The following OR9Q2 variants were observed in gnomAD, a reference collection of about 807,000 sequenced individuals.
OR9Q2 encodes olfactory receptor 9Q2.
Under a neutral mutation model 2.3 loss-of-function variants are expected in OR9Q2, and 2 were observed. That is an observed-to-expected ratio of 0.85 (90% CI 0.35 to 2.68). The LOEUF is 2.68. Among genes scored for constraint, OR9Q2 ranks in the 30% most tolerant of loss-of-function variants. OR9Q2 has a pLI of 0.10. For missense variants in OR9Q2, 404 were observed against 395.7 expected (o/e 1.02, Z -0.18); for synonymous variants, 178 against 158.6 (o/e 1.12, Z -0.92).
In OR9Q2 at chr11:58,190,926, A is replaced by G. The variant is rs1442444525; in HGVS notation, c.436A>G (p.Thr146Ala). 1 of 1,614,122 alleles carries G rather than the reference A, an allele frequency of 6.2e-7. No homozygotes were observed. Among genetic ancestry groups the G allele is most frequent in the Admixed American group, 1.7e-5 (1 of 60,004 alleles). Reference protein sequence around the residue: ...ITEKARWGLVTGAYVAGFFSA... With the variant: ...ITEKARWGLVAGAYVAGFFSA... ...CGAGAAGGCCCGCTGGGGCCTAGTCACTGGGGCTTACGTTGCTGGTTTTTT... is the reference window on the plus strand; with the variant it reads ...CGAGAAGGCCCGCTGGGGCCTAGTCGCTGGGGCTTACGTTGCTGGTTTTTT... The change falls in exon 2 of 2, where the codon ACT (threonine) becomes GCT (alanine). Residue 146 changes from threonine to alanine, a missense_variant. Physicochemically the swap from Thr to Ala is moderately conservative, Grantham distance 58. Coordinates refer to ENST00000641291, the MANE Select transcript of OR9Q2 (RefSeq NM_001005283.3).
Position 58,192,116 on chromosome 11 carries a change from AAATAATAATAATAAT to A in OR9Q2, c.*698_*712del. 1 of 145,586 alleles carries A rather than the reference AAATAATAATAATAAT, an allele frequency of 6.9e-6. No individual in the cohort carries two copies. Among genetic ancestry groups the A allele is most frequent in the East Asian group, 2.0e-4 (1 of 5,010 alleles). The allele number at this position is 145,586 out of a possible 1,614,324, so 9.0% of individuals were successfully genotyped here. A position where few individuals can be genotyped will look rare whatever the true frequency, so the allele number is the denominator to read the frequency against. On this transcript the variant is annotated 3_prime_UTR_variant, in exon 2 of 2. Transcript: ENST00000641291. ...TGTGATTTTTGAATAACAATGAGGA[AAATAATAATAATAAT>A]AATAATAATAATAATAGCAAGTTAC...
chr11:58,191,253 C>T lies in OR9Q2; in HGVS notation c.763C>T (p.Leu255Phe), dbSNP rs747071155. The T allele has an allele frequency of 1.8e-5, 29 of 1,613,970 alleles. No individual in the cohort carries two copies. Among genetic ancestry groups the T allele is most frequent in the Non-Finnish European group, 2.5e-5 (29 of 1,180,032 alleles). Residue 255 changes from leucine to phenylalanine, a missense_variant, in exon 2 of 2, where the codon CTC (leucine) becomes TTC (phenylalanine). Physicochemically the swap from Leu to Phe is conservative, Grantham distance 22. Coordinates refer to ENST00000641291, the MANE Select transcript of OR9Q2 (RefSeq NM_001005283.3). ...LTAVALFFGTLIFMYLRDNTG... is the reference protein window; with the variant it reads ...LTAVALFFGTFIFMYLRDNTG... ...TGCCGTCGCTCTTTTCTTTGGCACC[C>T]TCATCTTCATGTACCTGCGAGACAA...
Position 58,192,992 on chromosome 11 carries a change from T to C in OR9Q2, c.*1557T>C, listed in dbSNP as rs1854778900. ...AGCAGTGTGGCTTCAGATTAATTAG[T>C]GCCTTTCAGCCTGCTTCTCCTCTGT... On this transcript the variant is annotated 3_prime_UTR_variant, in exon 2 of 2. Coordinates refer to ENST00000641291, the MANE Select transcript of OR9Q2 (RefSeq NM_001005283.3). 1 of 152,218 alleles carries C rather than the reference T, an allele frequency of 6.6e-6. No homozygotes were observed. The highest frequency in any genetic ancestry group is 2.4e-5 in the African/African-American group (1 of 41,464). 9.4% of individuals were successfully genotyped at this position (152,218 alleles called of 1,614,324 possible). A position where few individuals can be genotyped will look rare whatever the true frequency, so the allele number is the denominator to read the frequency against.
intron 1 of OR9Q2, 110 bp downstream of exon 1, chr11:58,189,218 T>A (rs975244401): frequency 5.9e-5 from 9 of 152,174 alleles, no homozygotes; most frequent in Non-Finnish European, 1.5e-5. Flanking sequence ...ACAGAAGTAT[T>A]GGAAGTGACC....
In OR9Q2 at chr11:58,191,285, C is replaced by G; in HGVS notation, c.795C>G (p.Gly265=). 6.2e-7 allele frequency: 1 copy of G among 1,614,122 alleles called. No individual in the cohort carries two copies. ...LIFMYLRDNT[G]QSSEGDRVVS... ...TCATGTACCTGCGAGACAACACAGG[C>G]CAGTCCTCCGAGGGAGACCGAGTGG... Residue 265 remains glycine (G), a synonymous_variant, in exon 2 of 2, where the codon GGC becomes GGG. Coordinates refer to ENST00000641291, the MANE Select transcript of OR9Q2 (RefSeq NM_001005283.3).
rs147413829 is a variant in OR9Q2 at position 58,191,026 on chromosome 11, G to A, written c.536G>A (p.Cys179Tyr). 8.9e-5 allele frequency: 144 copies of A among 1,614,160 alleles called. No individual in the cohort carries two copies. The highest frequency in any genetic ancestry group is 1.1e-5 in the Non-Finnish European group (13 of 1,180,022). Residue 179 changes from cysteine to tyrosine, a missense_variant, in exon 2 of 2, where the codon TGT becomes TAT. By Grantham distance (194) the Cys-to-Tyr change is radical. Transcript: ENST00000641291. The part of the protein sequence containing the change: ...CGNNEINFIF[C>Y]DLPPLLKLSC... ...AACAATGAGATCAACTTCATTTTCT[G>A]TGACCTCCCTCCTCTATTAAAACTC... is the stretch of plus-strand genomic sequence containing the variant.
In OR9Q2 at chr11:58,193,476, A is replaced by T. The variant is rs1399023978; in HGVS notation, c.*2041A>T. 1.3e-5 allele frequency: 2 copies of T among 152,224 alleles called. No individual in the cohort carries two copies. Among genetic ancestry groups the T allele is most frequent in the East Asian group, 3.8e-4 (2 of 5,200 alleles). 9.4% of individuals were successfully genotyped at this position (152,224 alleles called of 1,614,324 possible). ...TTATTGACCCCATTTAGCAAAACAA[A>T]AAAGAAAATCTAAGACTCAGAGATA... On this transcript the variant is annotated 3_prime_UTR_variant, in exon 2 of 2. Transcript: ENST00000641291.
chr11:58,191,025 T>C lies in OR9Q2; in HGVS notation c.535T>C (p.Cys179Arg), dbSNP rs34337292. 425,508 of 1,613,854 alleles carry C rather than the reference T, an allele frequency of 0.26. 58,472 individuals are homozygous for C. Among genetic ancestry groups the C allele is most frequent in the Admixed American group, 0.31 (18,361 of 59,998 alleles). The change falls in exon 2 of 2, where the codon TGT becomes CGT. Residue 179 changes from cysteine (C) to arginine (R), a missense_variant. By Grantham distance (180) the Cys-to-Arg change is radical. Transcript: ENST00000641291. ...AAACAATGAGATCAACTTCATTTTC[T>C]GTGACCTCCCTCCTCTATTAAAACT... ...CGNNEINFIF[C>R]DLPPLLKLSC...
chr11:58,190,416 A>T lies in OR9Q2; in HGVS notation c.-75A>T, dbSNP rs1854746720. The stretch of plus-strand genomic sequence containing the variant: ...TTCAATTTAAAGCTTTGTTACTTGA[A>T]ATCATTTGAACTCCTCTTGAGCTGT... On this transcript the variant is annotated 5_prime_UTR_variant, in exon 2 of 2. Coordinates refer to ENST00000641291, the MANE Select transcript of OR9Q2 (RefSeq NM_001005283.3). 3.1e-6 allele frequency: 3 copies of T among 970,008 alleles called. No homozygotes were observed. Among genetic ancestry groups the T allele is most frequent in the Non-Finnish European group, 4.8e-6 (3 of 630,532 alleles). The allele number at this position is 970,008 out of a possible 1,614,324, so 60.1% of individuals were successfully genotyped here.
At chr11:58,189,487 A>G (rs1308111543) in intron 1 of OR9Q2, among the ~76,000 whole-genome samples, 1 of 152,052 alleles carries the variant, frequency 6.6e-6, no homozygotes, top group Non-Finnish European at 1.5e-5. Context: ...TTTCAGATCT[A>G]ATTTGTTTTC....
rs776267594 is a variant in OR9Q2, at chr11:58,190,749, G to C, written c.259G>C (p.Glu87Gln). The C allele has an allele frequency of 8.7e-6, 14 of 1,614,124 alleles. No individual in the cohort carries two copies. The highest frequency in any genetic ancestry group is 1.2e-5 in the Non-Finnish European group (14 of 1,180,030). Reference sequence around the variant, plus strand: ...CCCTCAGATGCTGGCTGTGCTGTGGGAGCACGGCACAACCATCTCCCAGGC... The same window carrying C: ...CCCTCAGATGCTGGCTGTGCTGTGGCAGCACGGCACAACCATCTCCCAGGC... ...IIPQMLAVLW[E>Q]HGTTISQARC... Residue 87 changes from glutamate (E) to glutamine (Q), a missense_variant, in exon 2 of 2, where the codon GAG becomes CAG. Glu to Gln is a conservative substitution (Grantham distance 29). Coordinates refer to ENST00000641291, the MANE Select transcript of OR9Q2 (RefSeq NM_001005283.3).
chr11:58,192,300 T>A lies in OR9Q2; in HGVS notation c.*865T>A, dbSNP rs553809176. 1 of 152,172 alleles carries A rather than the reference T, an allele frequency of 6.6e-6. No individual in the cohort carries two copies. The highest frequency in any genetic ancestry group is 1.5e-5 in the Non-Finnish European group (1 of 68,028). The allele number at this position is 152,172 out of a possible 1,614,324, so 9.4% of individuals were successfully genotyped here. A position where few individuals can be genotyped will look rare whatever the true frequency, so the allele number is the denominator to read the frequency against. ...AGGTGAGGCACTTGAGGCTTAGAGATGTTGAGTAATATTCTCAAGGTCGGC... is the reference window on the plus strand; with the variant it reads ...AGGTGAGGCACTTGAGGCTTAGAGAAGTTGAGTAATATTCTCAAGGTCGGC... On this transcript the variant is annotated 3_prime_UTR_variant, in exon 2 of 2. Coordinates refer to ENST00000641291, the MANE Select transcript of OR9Q2 (RefSeq NM_001005283.3).
In OR9Q2 at chr11:58,191,326, C is replaced by T. The variant is rs1854762133; in HGVS notation, c.836C>T (p.Thr279Met). 1.2e-6 allele frequency: 2 copies of T among 1,614,070 alleles called. No homozygotes were observed. Among genetic ancestry groups the T allele is most frequent in the Non-Finnish European group, 1.7e-6 (2 of 1,179,980 alleles). ...EGDRVVSVLY[T>M]VVTPMLNPLI... Reference sequence around the variant, plus strand: ...GACCGAGTGGTGTCTGTGCTCTACACGGTGGTGACCCCAATGCTGAATCCC... The same window carrying T: ...GACCGAGTGGTGTCTGTGCTCTACATGGTGGTGACCCCAATGCTGAATCCC... Residue 279 changes from threonine to methionine, a missense_variant, in exon 2 of 2, where the codon ACG becomes ATG. By Grantham distance (81) the Thr-to-Met change is moderately conservative. Transcript: ENST00000641291.
At position 58,190,861 on chromosome 11, in the gene OR9Q2, C is replaced by A; in HGVS notation, c.371C>A (p.Thr124Lys). The A allele has an allele frequency of 6.2e-7, 1 of 1,614,228 alleles. No individual in the cohort carries two copies. Among genetic ancestry groups the A allele is most frequent in the Non-Finnish European group, 8.5e-7 (1 of 1,180,032 alleles). ...LLAIMAYDRY[T>K]AVCQPLLYVT... Reference sequence around the variant, plus strand: ...GCCATCATGGCCTATGACCGCTACACGGCCGTGTGCCAGCCCCTGCTTTAT... The same window carrying A: ...GCCATCATGGCCTATGACCGCTACAAGGCCGTGTGCCAGCCCCTGCTTTAT... The change falls in exon 2 of 2, where the codon ACG becomes AAG. Residue 124 changes from threonine to lysine, a missense_variant. Physicochemically the swap from Thr to Lys is moderately conservative, Grantham distance 78 (BLOSUM62 -1). Coordinates refer to ENST00000641291, the MANE Select transcript of OR9Q2 (RefSeq NM_001005283.3).
In OR9Q2 at chr11:58,193,527, G is replaced by A. The variant is rs1383817471; in HGVS notation, c.*2092G>A. The A allele has an allele frequency of 6.6e-6, 1 of 152,176 alleles. No individual in the cohort carries two copies. The highest frequency in any genetic ancestry group is 1.5e-5 in the Non-Finnish European group (1 of 68,044). 9.4% of individuals were successfully genotyped at this position (152,176 alleles called of 1,614,324 possible). A position where few individuals can be genotyped will look rare whatever the true frequency, so the allele number is the denominator to read the frequency against. ...TTATGTGACTTGACCAAGTTATGTA[G>A]CAAGAAAGTGGCAGATGAGGGAGGT... is the stretch of plus-strand genomic sequence containing the variant. On this transcript the variant is annotated 3_prime_UTR_variant, in exon 2 of 2. Coordinates refer to ENST00000641291, the MANE Select transcript of OR9Q2 (RefSeq NM_001005283.3).
chr11:58,190,168 A>G (rs10896708), intron 1 of OR9Q2, among the ~76,000 whole-genome samples, 151 bp from the exon 2 acceptor site: 49,668 of 151,998 alleles, frequency 0.33, 8,825 homozygotes, highest in East Asian at 0.74. Context: ...GAGGAAATTG[A>G]GGTTCAGAGA....
At chr11:58,189,727 G>A (rs12221703) in intron 1 of OR9Q2, among the ~76,000 whole-genome samples, 1 of 152,134 alleles carries the variant, frequency 6.6e-6, no homozygotes, top group African/African-American at 2.4e-5. Context: ...GTGTTTATTA[G>A]GGGCTTTGAG....
In OR9Q2 at chr11:58,191,089, T is replaced by C. The variant is rs767210030; in HGVS notation, c.599T>C (p.Ile200Thr). The change falls in exon 2 of 2, where the codon ATT becomes ACT. Residue 200 changes from isoleucine to threonine, a missense_variant. Transcript: ENST00000641291. ...AGCTACACTCAGGAAGTGGTGATTA[T>C]TGTGTTTGCTCTTTTCGTCATGCCT... ...GDSYTQEVVI[I>T]VFALFVMPAC... 1.4e-5 allele frequency: 22 copies of C among 1,614,250 alleles called. No homozygotes were observed. Among genetic ancestry groups the C allele is most frequent in the Non-Finnish European group, 1.9e-5 (22 of 1,180,052 alleles).
In OR9Q2 at chr11:58,189,085, G is replaced by T. The variant is rs1172892114; in HGVS notation, c.-196G>T. The T allele has an allele frequency of 3.9e-5, 6 of 152,174 alleles. No homozygotes were observed. 9.4% of individuals were successfully genotyped at this position (152,174 alleles called of 1,614,324 possible). On this transcript the variant is annotated 5_prime_UTR_variant, in exon 1 of 2. Transcript: ENST00000641291. ...ATTGGAAGCTCAGGGAGAAAGGCTG[G>T]TCCCCTAGTCTTGTTATCTCAAAGT...
Sources: allele counts gnomAD v4.1 joint callset (sites outside exome capture counted in the v4.1 genomes callset), GRCh38; gene constraint gnomAD v4.1.1; transcripts MANE v1.5; gene names NCBI Gene and HGNC (gene_info 2026-07-23, HGNC 2026-07-21).